ITIH5: variants seen among roughly 807,000 people sequenced by gnomAD.
ITIH5 encodes inter-alpha-trypsin inhibitor heavy chain H5.
In ITIH5, 65 loss-of-function variants were observed where a neutral mutation model predicts 77.5. The ratio of observed to expected loss-of-function variants is 0.84; its 90% CI spans 0.69 to 1.03. ITIH5 has a LOEUF of 1.03. Ranked by LOEUF, ITIH5 falls within the 50% of genes least tolerant of loss-of-function variation. ITIH5 has a pLI of 0.00. For synonymous variants in ITIH5, 525 were observed against 494.3 expected (o/e 1.06, Z -0.82); for missense variants, 1,208 against 1,213.1 (o/e 1.00, Z 0.06).
chr10:7,583,509 A>ACTT (rs1832610725), intron 8 of ITIH5, among the ~76,000 whole-genome samples: 2 of 151,954 alleles, frequency 1.3e-5, no homozygotes, highest in South Asian at 2.1e-4. Flanking sequence ...ATTTTTTTGT[A>ACTT]TTTTAGTAGA....
At chr10:7,571,564 G>C (rs1341590194) in intron 11 of ITIH5, 3 of 152,084 alleles carry the variant, frequency 2.0e-5, no homozygotes, top group Non-Finnish European at 4.4e-5. Context: ...TTACAGGCGT[G>C]CACCACCATG....
chr10:7,566,153 C>T lies in ITIH5; in HGVS notation c.2404G>A (p.Gly802Ser), dbSNP rs1832150901. ...ATGAGGATGACAAAGGCTATGGAGC[C>T]CTGGATGGTGACGGTGACATTGGCG... ...ANANVTVTIQ[G>S]SIAFVILIHL... Residue 802 changes from glycine to serine, a missense_variant, in exon 13 of 14, where the codon GGC becomes AGC. Gly to Ser is a moderately conservative substitution (Grantham distance 56). Transcript: ENST00000397146. The T allele has an allele frequency of 6.2e-7, 1 of 1,613,954 alleles. No homozygotes were observed. Among genetic ancestry groups the T allele is most frequent in the South Asian group, 1.1e-5 (1 of 91,080 alleles).
intron 5 of ITIH5, among the ~76,000 whole-genome samples, chr10:7,635,648 C>T (rs537495540): frequency 1.3e-5 from 2 of 152,284 alleles, no homozygotes; most frequent in East Asian, 3.9e-4. Context: ...CCAGGAAACG[C>T]TCAGTCTGTG....
At chr10:7,655,549 T>G in intron 2 of ITIH5, 82 bp downstream of exon 2, 1 of 1,153,142 alleles carries the variant, frequency 8.7e-7, no homozygotes, top group Non-Finnish European at 1.3e-6. Flanking sequence ...TTGGAGGATC[T>G]GCAAGCAAAG....
intron 9 of ITIH5, among the ~76,000 whole-genome samples, 179 bp downstream of exon 9, chr10:7,579,576 C>A (rs551225014): frequency 6.6e-6 from 1 of 152,004 alleles, no homozygotes; most frequent in Non-Finnish European, 1.5e-5. Flanking sequence ...GATCAGAATT[C>A]GAACTCTGAT....
intron 11 of ITIH5, 63 bp downstream of exon 11, chr10:7,573,079 G>C: frequency 1.3e-6 from 2 of 1,501,160 alleles, no homozygotes; most frequent in Non-Finnish European, 1.9e-6. Context: ...CACCTGGCCT[G>C]GTTTTACACT....
chr10:7,633,926 A>G (rs1833753579), intron 5 of ITIH5, among the ~76,000 whole-genome samples: 1 of 151,912 alleles, frequency 6.6e-6, no homozygotes, highest in South Asian at 2.1e-4. Flanking sequence ...CGTCTCTACT[A>G]AAAACACAAA....
intron 2 of ITIH5, among the ~76,000 whole-genome samples, chr10:7,655,159 G>A (rs1039315590): frequency 2.0e-5 from 3 of 152,092 alleles, no homozygotes; most frequent in Non-Finnish European, 4.4e-5. Context: ...GAAGAACTGA[G>A]GTAGTTTCAA....
intron 2 of ITIH5, among the ~76,000 whole-genome samples, chr10:7,644,911 CACAT>C (rs1833983958): frequency 4.2e-5 from 1 of 23,990 alleles, no homozygotes; most frequent in East Asian, 1.7e-3. Flanking sequence ...ATATATATAT[CACAT>C]ATATATATCA....
chr10:7,634,445 A>G (rs1464027807), intron 5 of ITIH5, among the ~76,000 whole-genome samples: 10 of 152,220 alleles, frequency 6.6e-5, no homozygotes. Flanking sequence ...GCTCTGGGAC[A>G]TGCTTGTAAA....
At chr10:7,611,552 T>G (rs1833244512) in intron 7 of ITIH5, among the ~76,000 whole-genome samples, 1 of 152,246 alleles carries the variant, frequency 6.6e-6, no homozygotes, top group African/African-American at 2.4e-5. Flanking sequence ...CTCTGGCACC[T>G]GAGATGCATT....
chr10:7,644,889 TATATATATCAC>T (rs1387344503), intron 2 of ITIH5, among the ~76,000 whole-genome samples: 33 of 80,654 alleles, frequency 4.1e-4, no homozygotes, highest in Admixed American at 8.3e-4. Flanking sequence ...ATATATCACA[TATATATATCAC>T]ATATATATAT....
intron 5 of ITIH5, among the ~76,000 whole-genome samples, chr10:7,636,136 T>G (rs1178153226): frequency 6.6e-6 from 1 of 152,076 alleles, no homozygotes; most frequent in Non-Finnish European, 1.5e-5. Context: ...GTAACTAAAG[T>G]CACTCTTTTA....
At chr10:7,623,802 C>CAAAAAAAAA in intron 5 of ITIH5, among the ~76,000 whole-genome samples, 1 of 80,368 alleles carries the variant, frequency 1.2e-5, no homozygotes, top group African/African-American at 4.9e-5. Flanking sequence ...GACTCCATCT[C>CAAAAAAAAA]AAAAAAAAAA....
intron 7 of ITIH5, among the ~76,000 whole-genome samples, chr10:7,586,446 A>G (rs2130978062): frequency 6.6e-6 from 1 of 152,178 alleles, no homozygotes; most frequent in East Asian, 1.9e-4. Context: ...TCTCTGTTGG[A>G]AATTTTTCTG....
chr10:7,647,288 A>G (rs771892648), intron 2 of ITIH5, among the ~76,000 whole-genome samples: 4 of 152,216 alleles, frequency 2.6e-5, no homozygotes, highest in Non-Finnish European at 5.9e-5. Flanking sequence ...ATTCATTTAC[A>G]TACTGTCTAT....
rs938272385 is a variant in ITIH5 at position 7,633,999 on chromosome 10, G to A, written c.652+3229C>T. Among the ~76,000 whole-genome samples, 4 of 145,462 alleles carry A rather than the reference G, an allele frequency of 2.7e-5. No homozygotes were observed. The Admixed American group carries it at 2.9e-4, about 10-fold the overall frequency. On this transcript the variant is annotated intron_variant, in intron 5 of 13. Coordinates refer to ENST00000397146, the MANE Select transcript of ITIH5 (RefSeq NM_030569.7). Reference sequence around the variant, plus strand: ...AGCTGCTCGGGAGGCTGAGGCAGGAGAATGGCTTGAATCCGGAAGGCGGAG... The same window carrying A: ...AGCTGCTCGGGAGGCTGAGGCAGGAAAATGGCTTGAATCCGGAAGGCGGAG...
rs917559701 is a variant in ITIH5, at chr10:7,561,972, A to T, written c.*1111T>A. The T allele has an allele frequency of 1.3e-5, 2 of 152,046 alleles. No individual in the cohort carries two copies. The highest frequency in any genetic ancestry group is 2.4e-5 in the African/African-American group (1 of 41,382). The allele number at this position is 152,046 out of a possible 1,614,324, so 9.4% of individuals were successfully genotyped here. On this transcript the variant is annotated 3_prime_UTR_variant, in exon 14 of 14. Transcript: ENST00000397146. ...CCCCTCTCATCTTAACCTTTTCCTT[A>T]AGGCATCAGGTTTGTCCAAGTTTTG...
intron 5 of ITIH5, among the ~76,000 whole-genome samples, chr10:7,628,819 A>ATGTTGTAGTGTGTCCC (rs1833639763): frequency 2.8e-5 from 3 of 106,282 alleles, no homozygotes; most frequent in African/African-American, 1.2e-4. Context: ...GCATGTGTCC[A>ATGTTGTAGTGTGTCCC]TGTTGTAGCG....
Sources: gnomAD v4.1 joint callset for allele counts (sites outside exome capture counted in the v4.1 genomes callset) on GRCh38, gnomAD v4.1.1 for gene constraint, MANE v1.5 for transcripts, NCBI Gene and HGNC (gene_info 2026-07-23, HGNC 2026-07-21) for gene names.